Variants in FBN3 observed in about 807,000 individuals in gnomAD.
The protein encoded by FBN3 is fibrillin-3.
In FBN3, 234 loss-of-function variants were observed where a neutral mutation model predicts 330.1. The ratio of observed to expected loss-of-function variants is 0.71; its 90% CI spans 0.64 to 0.79. The LOEUF is 0.79. FBN3 is among the 30% of genes least tolerant of loss of function. FBN3 has a pLI of 0.00. For synonymous variants in FBN3, 1,458 were observed against 1,517.3 expected (o/e 0.96, Z 0.91); for missense variants, 3,606 against 3,886.9 (o/e 0.93, Z 1.92).
intron 61 of FBN3, among the ~76,000 whole-genome samples, 177 bp from the exon 62 acceptor site, chr19:8,073,474 C>T (rs2081570525): frequency 6.6e-6 from 1 of 152,224 alleles, no homozygotes; most frequent in Admixed American, 6.5e-5. Flanking sequence ...CCCGCTGCCC[C>T]AAACCCTGTG....
Position 8,131,711 on chromosome 19 carries a change from G to T in FBN3, c.1833C>A (p.Cys611Ter). 6.2e-7 allele frequency: 1 copy of T among 1,613,912 alleles called. No homozygotes were observed. The highest frequency in any genetic ancestry group is 8.5e-7 in the Non-Finnish European group (1 of 1,179,972). Reference protein sequence around the residue: ...GLAVGTDGRVCVDTHVRSTCY... With the variant: ...GLAVGTDGRV ...AGGTGCTGCGCACGTGGGTGTCCACGCACACGCGGCCATCCGTGCCTACCG... is the reference window on the plus strand; with the variant it reads ...AGGTGCTGCGCACGTGGGTGTCCACTCACACGCGGCCATCCGTGCCTACCG... Residue 611 changes from cysteine (C) to a stop codon, truncating the protein, a stop_gained, in exon 15 of 64, where the codon TGC becomes TGA. Coordinates refer to ENST00000600128, the MANE Select transcript of FBN3 (RefSeq NM_032447.5). LOFTEE classifies it high-confidence loss of function. The surrounding 1 kb of genome is among the most constrained non-coding windows in gnomAD (Gnocchi z 4.5).
rs780832638 is a variant in FBN3 at position 8,075,154 on chromosome 19, T to C, written c.7619A>G (p.His2540Arg). Residue 2540 changes from histidine to arginine, a missense_variant, in exon 61 of 64, where the codon CAT becomes CGT. By Grantham distance (29) the His-to-Arg change is conservative. Coordinates refer to ENST00000600128, the MANE Select transcript of FBN3 (RefSeq NM_032447.5). ...NECDGPHRCQ[H>R]GCQNQLGGYR... ...GCCCCCTAGCTGGTTCTGACAGCCA[T>C]GCTGGCAGCGGTGGGGCCCATCACA... The C allele has an allele frequency of 8.9e-6, 14 of 1,575,262 alleles. No individual in the cohort carries two copies. The South Asian group carries it at 9.4e-5, about 11-fold the overall frequency.
chr19:8,074,978 GTCACATCA>G, intron 61 of FBN3, 85 bp downstream of exon 61: 2 of 1,488,676 alleles, frequency 1.3e-6, no homozygotes, highest in African/African-American at 1.4e-5. Flanking sequence ...AATTGTGCTT[GTCACATCA>G]TCTTGCAGGG....
At chr19:8,128,562 C>CAA (rs113391470) in intron 18 of FBN3, among the ~76,000 whole-genome samples, 16 of 100,318 alleles carry the variant, frequency 1.6e-4, no homozygotes, top group African/African-American at 3.2e-4. Flanking sequence ...GACTCTGTCT[C>CAA]AAAAAAAAAA....
In FBN3 at chr19:8,126,833, C is replaced by G; in HGVS notation, c.2297-1G>C. 3 of 1,548,710 alleles carry G rather than the reference C, an allele frequency of 1.9e-6. No individual in the cohort carries two copies. In the South Asian group the frequency reaches 3.7e-5, roughly 19 times the overall value. On this transcript the variant is annotated splice_acceptor_variant, in intron 18 of 63. Transcript: ENST00000600128. LOFTEE classifies it high-confidence loss of function. ...GGGCTGGACAGGCATTCGTCGACAT[C>G]TGTGGGGACAGCCCCCCACCAGGTC...
At chr19:8,146,340 C>G in intron 3 of FBN3, 115 bp from the exon 4 acceptor site, 1 of 831,258 alleles carries the variant, frequency 1.2e-6, no homozygotes, top group Non-Finnish European at 2.0e-6. Context: ...TCATCTGCAT[C>G]CCCGGCTCTG....
intron 38 of FBN3, among the ~76,000 whole-genome samples, chr19:8,104,224 T>C (rs939805147): frequency 2.0e-5 from 3 of 149,362 alleles, no homozygotes; most frequent in East Asian, 2.0e-4. Context: ...CTATCATCCC[T>C]GCTTTGGGAG....
At chr19:8,094,972 T>C (rs917546660) in intron 46 of FBN3, among the ~76,000 whole-genome samples, 1 of 152,146 alleles carries the variant, frequency 6.6e-6, no homozygotes, top group Non-Finnish European at 1.5e-5. Context: ...TATAATTATT[T>C]TATTTATTTA....
chr19:8,085,364 T>A lies in FBN3; in HGVS notation c.7086A>T (p.Arg2362=). The A allele has an allele frequency of 6.4e-7, 1 of 1,568,624 alleles. No individual in the cohort carries two copies. Among genetic ancestry groups the A allele is most frequent in the Non-Finnish European group, 8.6e-7 (1 of 1,160,718 alleles). The change falls in exon 56 of 64, where the codon CGA becomes CGT. Residue 2362 remains arginine, a splice_region_variant and synonymous_variant. Transcript: ENST00000600128. ...GGTCCTGAGGGCATGGGCACCCACC[T>A]CGGCCCTCAGCAGTGTAGCCTGAGC... ...PHGSGYTAEG[R]DVDECRMLAH...
chr19:8,093,363 C>G (rs983424942), intron 47 of FBN3, among the ~76,000 whole-genome samples: 1 of 152,104 alleles, frequency 6.6e-6, no homozygotes, highest in Non-Finnish European at 1.5e-5. Flanking sequence ...ATGGCTCATG[C>G]CTGTAATCCC....
At chr19:8,120,674 G>T (rs2082825866) in intron 25 of FBN3, among the ~76,000 whole-genome samples, 1 of 150,342 alleles carries the variant, frequency 6.7e-6, no homozygotes, top group Admixed American at 6.6e-5. Context: ...ACAGGGTCTT[G>T]TTATGTTGCC....
Position 8,116,729 on chromosome 19 carries a change from G to GT in FBN3, c.3656dup (p.His1219GlnfsTer7). 6.2e-7 allele frequency: 1 copy of GT among 1,614,102 alleles called. No individual in the cohort carries two copies. On this transcript the variant is annotated frameshift_variant, in exon 29 of 64. Coordinates refer to ENST00000600128, the MANE Select transcript of FBN3 (RefSeq NM_032447.5). LOFTEE classifies it high-confidence loss of function. ...TGAAGCCATCATAGCACAGGCAGCGGTGACCCCCTGGCATGTTGGTGCAGT... is the reference window on the plus strand; with the variant it reads ...TGAAGCCATCATAGCACAGGCAGCGGTTGACCCCCTGGCATGTTGGTGCAGT...
At chr19:8,091,413 C>A (rs553055269) in intron 48 of FBN3, 52 bp downstream of exon 48, 2 of 1,599,472 alleles carry the variant, frequency 1.3e-6, no homozygotes, top group East Asian at 2.2e-5. Flanking sequence ...GGCAATCTGA[C>A]CCTTCCCCGC....
At position 8,141,719 on chromosome 19, in the gene FBN3, T is replaced by G; in HGVS notation, c.863A>C (p.Glu288Ala). The G allele has an allele frequency of 6.2e-7, 1 of 1,611,920 alleles. No homozygotes were observed. Among genetic ancestry groups the G allele is most frequent in the East Asian group, 2.2e-5 (1 of 44,856 alleles). ...GTTGTCCCCCTCCAGTCACCCACCTTCACATGCGGCGCTGCTGTCACTGAG... is the reference window on the plus strand; with the variant it reads ...GTTGTCCCCCTCCAGTCACCCACCTGCACATGCGGCGCTGCTGTCACTGAG... ...HRLSDSSAAC[E>A]DYRAGACFSV... The change falls in exon 8 of 64, where the codon GAA becomes GCA. Residue 288 changes from glutamate to alanine, a missense_variant and splice_region_variant. Glu to Ala is a moderately radical substitution (Grantham distance 107, BLOSUM62 -1). Coordinates refer to ENST00000600128, the MANE Select transcript of FBN3 (RefSeq NM_032447.5).
At chr19:8,072,995 G>A in intron 62 of FBN3, 68 bp downstream of exon 62, 4 of 899,724 alleles carry the variant, frequency 4.4e-6, no homozygotes, top group Non-Finnish European at 3.6e-6. Context: ...GTGTGTGTGT[G>A]TGTGTGTGCG....
chr19:8,080,584 C>T (rs139277608), intron 59 of FBN3, among the ~76,000 whole-genome samples: 52 of 152,266 alleles, frequency 3.4e-4, no homozygotes, highest in African/African-American at 1.3e-3. Flanking sequence ...TTCTGATCAC[C>T]CCCATGTCCC....
rs141228705 is a variant in FBN3, at chr19:8,086,253, C to T, written c.6827G>A (p.Arg2276Gln). Reference protein sequence around the residue: ...GRCVNTAGSFRCDCDEGFQPS... With the variant: ...GRCVNTAGSFQCDCDEGFQPS... ...CTGGAATCCCTCATCACAGTCGCAC[C>T]GGAAGCTGCCCGCGGTGTTGACACA... is the stretch of plus-strand genomic sequence containing the variant. Residue 2276 changes from arginine (R) to glutamine (Q), a missense_variant, in exon 55 of 64, where the codon CGG (arginine) becomes CAG (glutamine). Physicochemically the swap from Arg to Gln is conservative, Grantham distance 43. Coordinates refer to ENST00000600128, the MANE Select transcript of FBN3 (RefSeq NM_032447.5). 160 of 1,610,772 alleles carry T rather than the reference C, an allele frequency of 9.9e-5. No homozygotes were observed. In the African/African-American group the frequency reaches 1.4e-3, roughly 14 times the overall value.
rs1352451852 is a variant in FBN3 at position 8,073,299 on chromosome 19, T to A, written c.7703-2A>T. ...GCGACAGGGCACACTCATTCTCATCTGTGGGAGGAAAGGAGGAGGAGAGGG... is the reference window on the plus strand; with the variant it reads ...GCGACAGGGCACACTCATTCTCATCAGTGGGAGGAAAGGAGGAGGAGAGGG... On this transcript the variant is annotated splice_acceptor_variant, in intron 61 of 63. Transcript: ENST00000600128. LOFTEE classifies it high-confidence loss of function. 8.7e-6 allele frequency: 14 copies of A among 1,611,222 alleles called. No homozygotes were observed. The highest frequency in any genetic ancestry group is 1.2e-5 in the Non-Finnish European group (14 of 1,178,102).
chr19:8,086,025 ACAGGCAGTGGGAGGG>A (rs1323657105), intron 55 of FBN3, among the ~76,000 whole-genome samples, 160 bp downstream of exon 55: 4 of 127,596 alleles, frequency 3.1e-5, no homozygotes, highest in African/African-American at 9.2e-5. Flanking sequence ...AGTGGGAGGG[ACAGGCAGTGGGAGGG>A]ACAGGCAGTG....
Sources: allele counts gnomAD v4.1 joint callset (sites outside exome capture counted in the v4.1 genomes callset), GRCh38; gene constraint gnomAD v4.1.1; non-coding constraint Gnocchi (gnomAD v3.1); transcripts MANE v1.5; gene names NCBI Gene and HGNC (gene_info 2026-07-23, HGNC 2026-07-21).